Variants in HTT observed in about 807,000 individuals in gnomAD.
HTT encodes the protein huntingtin, also known as huntington disease protein.
HTT carries 104 observed loss-of-function variants against 362.3 expected under a neutral mutation model. The ratio of observed to expected loss-of-function variants is 0.29; its 90% confidence interval spans 0.24 to 0.34. HTT has a LOEUF of 0.34. HTT is among the 10% of genes least tolerant of loss of function. The pLI is 1.00. For synonymous variants in HTT, 1,577 were observed against 1,548.7 expected (o/e 1.02, Z -0.43); for missense variants, 3,301 against 3,928.6 (o/e 0.84, Z 4.27).
At position 3,090,741 on chromosome 4, in the gene HTT, T is replaced by A. The variant is rs2530593; in HGVS notation, c.347+3719T>A. Among the ~76,000 whole-genome samples the A allele has an allele frequency of 2.7e-3, 417 of 152,376 alleles. 2 individuals are homozygous for A. Among genetic ancestry groups the A allele is most frequent in the Middle Eastern group, 0.014 (4 of 294 alleles). ...ATTAACACAGAAATTTAAAATAATC[T>A]TGATCAAAATTCTAGTAGAGGTATT... On this transcript the variant is annotated intron_variant, in intron 2 of 66. Transcript: ENST00000355072.
chr4:3,143,591 T>C (rs1716454347), intron 23 of HTT, among the ~76,000 whole-genome samples: 1 of 151,714 alleles, frequency 6.6e-6, no homozygotes, highest in Non-Finnish European at 1.5e-5. Flanking sequence ...TTTTACATTT[T>C]TATTTTTTTA....
At chr4:3,165,031 A>G (rs929616551) in intron 29 of HTT, among the ~76,000 whole-genome samples, 3 of 152,244 alleles carry the variant, frequency 2.0e-5, no homozygotes, top group East Asian at 3.9e-4. Flanking sequence ...AGTCTTTACA[A>G]TTTGGCATGT....
chr4:3,176,064 G>T (rs1718228964), intron 33 of HTT, among the ~76,000 whole-genome samples: 1 of 146,504 alleles, frequency 6.8e-6, no homozygotes, highest in African/African-American at 2.6e-5. Context: ...GTCTCGCTCT[G>T]TCACCCAGGC....
intron 1 of HTT, among the ~76,000 whole-genome samples, chr4:3,079,971 G>A (rs1712802157): frequency 6.6e-6 from 1 of 152,186 alleles, no homozygotes; most frequent in African/African-American, 2.4e-5. Flanking sequence ...TATCAGGTTT[G>A]TATTCAGCTG....
intron 51 of HTT, among the ~76,000 whole-genome samples, chr4:3,216,796 C>T (rs899298944): frequency 7.9e-5 from 12 of 151,948 alleles, no homozygotes; most frequent in East Asian, 1.9e-4. Flanking sequence ...GAGGCCGAGG[C>T]GGGCGGATCA....
At chr4:3,103,801 A>C in intron 3 of HTT, 23 bp from the exon 4 acceptor site, 1 of 1,521,900 alleles carries the variant, frequency 6.6e-7, no homozygotes, top group South Asian at 1.1e-5. Flanking sequence ...TGTCTTCCAT[A>C]AATCTCTTGT....
chr4:3,220,212 G>A lies in HTT; in HGVS notation c.7273G>A (p.Gly2425Arg), dbSNP rs1720610726. 1 of 1,614,108 alleles carries A rather than the reference G, an allele frequency of 6.2e-7. No individual in the cohort carries two copies. Among genetic ancestry groups the A allele is most frequent in the Non-Finnish European group, 8.5e-7 (1 of 1,180,018 alleles). Residue 2425 changes from glycine (G) to arginine (R), a missense_variant, in exon 53 of 67, where the codon GGA becomes AGA. Physicochemically the swap from Gly to Arg is moderately radical, Grantham distance 125. Transcript: ENST00000355072. ...VWKLGWSPKP[G>R]GDFGTAFPEI... ...GAAGCTTGGATGGTCACCCAAACCG[G>A]GAGGGGATTTTGGCACAGCATTCCC...
chr4:3,110,469 A>G (rs972012274), intron 6 of HTT, among the ~76,000 whole-genome samples: 1 of 152,232 alleles, frequency 6.6e-6, no homozygotes, highest in East Asian at 1.9e-4. Context: ...TCTCTTTGCC[A>G]TTAGCCTGGA....
chr4:3,236,958 G>A (rs896581692), intron 64 of HTT, among the ~76,000 whole-genome samples: 3 of 152,182 alleles, frequency 2.0e-5, no homozygotes, highest in African/African-American at 7.2e-5. Flanking sequence ...GTGGCCAGTG[G>A]GGAGCCATTT....
chr4:3,192,363 C>T (rs1209698419), intron 40 of HTT, among the ~76,000 whole-genome samples: 1 of 152,150 alleles, frequency 6.6e-6, no homozygotes, highest in African/African-American at 2.4e-5. Flanking sequence ...TAGGTGTCAC[C>T]CACCACGCCC....
chr4:3,131,200 C>A, intron 14 of HTT, 86 bp from the exon 15 acceptor site: 2 of 1,034,778 alleles, frequency 1.9e-6, no homozygotes, highest in African/African-American at 1.6e-5. Context: ...GGCTTAAGTG[C>A]TGCTCTGGAA....
intron 2 of HTT, among the ~76,000 whole-genome samples, chr4:3,094,899 C>T (rs573210984): frequency 3.3e-5 from 5 of 150,922 alleles, no homozygotes; most frequent in Non-Finnish European, 4.4e-5. Context: ...GAGTCACGGC[C>T]GGGCAGAGGT....
chr4:3,199,242 A>G (rs1456531686), intron 40 of HTT, among the ~76,000 whole-genome samples: 2 of 152,214 alleles, frequency 1.3e-5, no homozygotes, highest in African/African-American at 2.4e-5. Flanking sequence ...TGACCAGTCC[A>G]TTAAATAAGT....
intron 1 of HTT, among the ~76,000 whole-genome samples, chr4:3,084,403 A>AT (rs1713088156): frequency 6.6e-6 from 1 of 151,906 alleles, no homozygotes. Flanking sequence ...AAACATCAAG[A>AT]TCAGGTCGGA....
chr4:3,145,111 T>C, intron 23 of HTT, 41 bp from the exon 24 acceptor site: 1 of 1,388,356 alleles, frequency 7.2e-7, no homozygotes, highest in Non-Finnish European at 1.0e-6. Flanking sequence ...AATAAACCTT[T>C]GTGGTGTTTG....
intron 10 of HTT, among the ~76,000 whole-genome samples, chr4:3,124,230 G>C (rs1167799551): frequency 6.6e-6 from 1 of 152,202 alleles, no homozygotes; most frequent in African/African-American, 2.4e-5. Context: ...AAGTTACGCT[G>C]ACACTTGTTT....
Position 3,187,892 on chromosome 4 carries a change from C to T in HTT, c.5225+6C>T. 1.3e-6 allele frequency: 2 copies of T among 1,560,934 alleles called. No homozygotes were observed. Among genetic ancestry groups the T allele is most frequent in the Non-Finnish European group, 1.8e-6 (2 of 1,133,446 alleles). The stretch of plus-strand genomic sequence containing the variant: ...CCAGAAGAAACATTTTCAAGGTATG[C>T]TTTCTATCTGAGCCTATAACTAACC... On this transcript the variant is annotated splice_donor_region_variant and intron_variant, in intron 39 of 66. Transcript: ENST00000355072.
At position 3,136,268 on chromosome 4, in the gene HTT, C is replaced by A; in HGVS notation, c.2740C>A (p.His914Asn). The A allele has an allele frequency of 6.2e-7, 1 of 1,611,902 alleles. No individual in the cohort carries two copies. The highest frequency in any genetic ancestry group is 1.7e-5 in the Admixed American group (1 of 59,936). ...QERVLNNVVIHLLGDEDPRVR... is the reference protein window; with the variant it reads ...QERVLNNVVINLLGDEDPRVR... ...ACGAGTGCTCAATAATGTTGTCATCCATTTGCTTGGAGATGAAGACCCCAG... is the reference window on the plus strand; with the variant it reads ...ACGAGTGCTCAATAATGTTGTCATCAATTTGCTTGGAGATGAAGACCCCAG... Residue 914 changes from histidine (H) to asparagine (N), a missense_variant, in exon 21 of 67, where the codon CAT becomes AAT. Physicochemically the swap from His to Asn is moderately conservative, Grantham distance 68. This residue lies in a region of HTT where 2,316 missense variants were observed against 2,658.5 expected (regional missense o/e 0.87). Transcript: ENST00000355072.
chr4:3,198,417 G>T (rs1719370806), intron 40 of HTT, among the ~76,000 whole-genome samples: 2 of 152,026 alleles, frequency 1.3e-5, no homozygotes, highest in Admixed American at 1.3e-4. Context: ...TGGAGACAGG[G>T]TTTTACCATG....
Sources: allele counts gnomAD v4.1 joint callset (sites outside exome capture counted in the v4.1 genomes callset), GRCh38; gene constraint gnomAD v4.1.1; regional missense constraint gnomAD v4.1.1; transcripts MANE v1.5; gene names NCBI Gene and HGNC (gene_info 2026-07-23, HGNC 2026-07-21).